Variants in DKK4 observed in about 807,000 individuals in gnomAD.
DKK4 encodes the protein dickkopf-related protein 4.
DKK4 carries 15 observed loss-of-function variants against 14.5 expected under a neutral mutation model. That is an observed-to-expected ratio of 1.03 (90% CI 0.69 to 1.59). The LOEUF is 1.59. DKK4 is among the 40% of genes most tolerant of loss of function. DKK4 has a pLI of 0.00. For synonymous variants in DKK4, 89 were observed against 105.2 expected, an observed-to-expected ratio of 0.85 and a Z score of 0.94; for missense variants, 272 against 280.3, an observed-to-expected ratio of 0.97 and a Z score of 0.21.
chr8:42,390,918 A>G, the DKK4 span, among the ~76,000 whole-genome samples: 1 of 152,096 alleles, frequency 6.6e-6, no homozygotes, highest in African/African-American at 2.4e-5. Flanking sequence ...TGAGTAATCT[A>G]TGGGGGTGAT....
At position 42,374,289 on chromosome 8, in the gene DKK4, C is replaced by T; in HGVS notation, c.486G>A (p.Trp162Ter). The part of the protein sequence containing the change: ...GPGLCCARHF[W>*]TKICKPVLLE... Reference sequence around the variant, plus strand: ...AAAGGACTGGCTTACAAATTTTCGTCCAAAAATGACGAGCACAGCAAAGTC... The same window carrying T: ...AAAGGACTGGCTTACAAATTTTCGTTCAAAAATGACGAGCACAGCAAAGTC... The change falls in exon 4 of 4, where the codon TGG becomes TGA. Residue 162 changes from tryptophan to a stop codon, truncating the protein, a stop_gained. Coordinates refer to ENST00000220812, the MANE Select transcript of DKK4 (RefSeq NM_014420.3). LOFTEE classifies it low-confidence loss of function (END_TRUNC). 1 of 1,611,884 alleles carries T rather than the reference C, an allele frequency of 6.2e-7. No individual in the cohort carries two copies. Among genetic ancestry groups the T allele is most frequent in the Non-Finnish European group, 8.5e-7 (1 of 1,178,910 alleles).
the DKK4 span, among the ~76,000 whole-genome samples, chr8:42,386,686 G>T: frequency 6.6e-6 from 1 of 152,108 alleles, no homozygotes; most frequent in East Asian, 1.9e-4. Flanking sequence ...TGGGGGTCTC[G>T]CTATATTTTT....
At chr8:42,385,209 T>C in the DKK4 span, among the ~76,000 whole-genome samples, 1 of 151,936 alleles carries the variant, frequency 6.6e-6, no homozygotes, top group African/African-American at 2.4e-5. Flanking sequence ...CTGGGCAACA[T>C]AGTGAGACCC....
chr8:42,384,391 C>T, the DKK4 span, among the ~76,000 whole-genome samples: 1 of 152,318 alleles, frequency 6.6e-6, no homozygotes. Flanking sequence ...GATCCTCCCA[C>T]CTTGGCCTCC....
At chr8:42,379,929 T>C (rs947959685), upstream of DKK4, among the ~76,000 whole-genome samples, 3 of 152,322 alleles carry the variant, frequency 2.0e-5, no homozygotes, top group East Asian at 5.8e-4. Context: ...CATGATCCGC[T>C]GGGTGCAGTG....
the DKK4 span, among the ~76,000 whole-genome samples, chr8:42,390,464 C>T: frequency 1.4e-5 from 2 of 146,852 alleles, no homozygotes; most frequent in Admixed American, 6.8e-5. Context: ...CCCGGGTTCA[C>T]GCCATTCTCC....
chr8:42,389,843 T>C, the DKK4 span, among the ~76,000 whole-genome samples: 1 of 152,130 alleles, frequency 6.6e-6, no homozygotes, highest in South Asian at 2.1e-4. Context: ...TCAGCATGCA[T>C]CTCCTAAAAT....
At chr8:42,388,781 G>T in the DKK4 span, among the ~76,000 whole-genome samples, 1 of 152,116 alleles carries the variant, frequency 6.6e-6, no homozygotes, top group Non-Finnish European at 1.5e-5. Flanking sequence ...ATGTTGGCCA[G>T]GATGGTCTCG....
At chr8:42,381,303 G>T (rs1197081367), upstream of DKK4, among the ~76,000 whole-genome samples, 2 of 152,132 alleles carry the variant, frequency 1.3e-5, no homozygotes, top group African/African-American at 2.4e-5. Flanking sequence ...AAATCAGGTT[G>T]GGGGAGCAGG....
chr8:42,374,654 G>C, intron 3 of DKK4, 107 bp downstream of exon 3: 1 of 1,469,868 alleles, frequency 6.8e-7, no homozygotes, highest in Non-Finnish European at 9.3e-7. Flanking sequence ...TGCTTCCTAA[G>C]TGTTTCTGGG....
chr8:42,388,350 C>T, the DKK4 span, among the ~76,000 whole-genome samples: 22 of 152,200 alleles, frequency 1.4e-4, no homozygotes, highest in African/African-American at 4.6e-4. Context: ...CTGCCTCAGT[C>T]TCCTGAGTAG....
chr8:42,375,559 T>A, intron 2 of DKK4, 121 bp downstream of exon 2: 1 of 1,248,016 alleles, frequency 8.0e-7, no homozygotes, highest in Non-Finnish European at 1.1e-6. Flanking sequence ...GCTGCATACA[T>A]TTACTTCAAG....
upstream of DKK4, among the ~76,000 whole-genome samples, chr8:42,380,746 AAGAG>A (rs149482173): frequency 0.01 from 1,451 of 143,138 alleles, 6 homozygotes; most frequent in East Asian, 0.02. Flanking sequence ...AGAGAGTGGA[AAGAG>A]AGAGAGAGAG....
rs200771638 is a variant in DKK4, at chr8:42,374,745, C to T, written c.415+16G>A. ...TGCATTTCTGAAATAAAATATGCTG[C>T]GAATGCTGTTCTTACCCTTCCTGCC... On this transcript the variant is annotated intron_variant, in intron 3 of 3. Transcript: ENST00000220812. 42 of 1,613,768 alleles carry T rather than the reference C, an allele frequency of 2.6e-5. No individual in the cohort carries two copies. Among genetic ancestry groups the T allele is most frequent in the African/African-American group, 4.0e-5 (3 of 74,884 alleles).
the DKK4 span, among the ~76,000 whole-genome samples, chr8:42,382,865 G>A: frequency 6.6e-6 from 1 of 152,152 alleles, no homozygotes; most frequent in East Asian, 1.9e-4. Flanking sequence ...CACTCTTTGG[G>A]TAAAAATTGC....
At chr8:42,378,170 T>G (rs985050117), upstream of DKK4, among the ~76,000 whole-genome samples, 2 of 152,240 alleles carry the variant, frequency 1.3e-5, no homozygotes, top group African/African-American at 4.8e-5. Context: ...TCTTAAATAC[T>G]TTAAGGGTAG....
chr8:42,389,657 T>C, the DKK4 span, among the ~76,000 whole-genome samples: 1 of 152,256 alleles, frequency 6.6e-6, no homozygotes, highest in Non-Finnish European at 1.5e-5. Context: ...TTGTCTCTTT[T>C]TATTTCAAAA....
chr8:42,379,993 G>A (rs1287544881), upstream of DKK4, among the ~76,000 whole-genome samples: 2 of 152,128 alleles, frequency 1.3e-5, no homozygotes. Flanking sequence ...AGGACCACTT[G>A]AGGCCAGGGA....
At chr8:42,379,419 A>AGAGC (rs1824630661), upstream of DKK4, among the ~76,000 whole-genome samples, 1 of 129,834 alleles carries the variant, frequency 7.7e-6, no homozygotes, top group East Asian at 2.2e-4. Flanking sequence ...AGAGAGAGAG[A>AGAGC]GAGAGAGAAA....
Sources: gnomAD v4.1 joint callset for allele counts (sites outside exome capture counted in the v4.1 genomes callset) on GRCh38, gnomAD v4.1.1 for gene constraint, MANE v1.5 for transcripts, NCBI Gene and HGNC (gene_info 2026-07-23, HGNC 2026-07-21) for gene names.